Variants in CREB5 observed in about 807,000 individuals in gnomAD.
CREB5 encodes cyclic AMP-responsive element-binding protein 5.
CREB5 carries 19 observed loss-of-function variants against 57.1 expected under a neutral mutation model. That is an observed-to-expected ratio of 0.33 (90% CI 0.23 to 0.49). CREB5 has a LOEUF of 0.49. CREB5 is among the 20% of genes least tolerant of loss of function. The pLI is 0.99. For missense variants in CREB5, 579 were observed against 671.6 expected (o/e 0.86, Z 1.52); for synonymous variants, 238 against 238.3 (o/e 1.00, Z 0.01).
At chr7:28,723,137 T>A (rs1453276365) in intron 6 of CREB5, among the ~76,000 whole-genome samples, 1 of 152,210 alleles carries the variant, frequency 6.6e-6, no homozygotes. Context: ...CCAATCATTG[T>A]TTTCATTTCC....
chr7:28,401,565 T>C (rs188844425), intron 1 of CREB5, among the ~76,000 whole-genome samples: 20 of 152,236 alleles, frequency 1.3e-4, no homozygotes, highest in African/African-American at 4.8e-4. Context: ...CCTCTCCCCT[T>C]TCCCCAACCA....
At chr7:28,492,685 C>T (rs1433536701) in intron 2 of CREB5, among the ~76,000 whole-genome samples, 1 of 149,656 alleles carries the variant, frequency 6.7e-6, no homozygotes, top group East Asian at 1.9e-4. Context: ...GAAATGAAGG[C>T]TATTACCATG....
At chr7:28,384,087 A>G (rs1271117618) in intron 1 of CREB5, among the ~76,000 whole-genome samples, 1 of 152,184 alleles carries the variant, frequency 6.6e-6, no homozygotes, top group Admixed American at 6.5e-5. Context: ...ACAGACGGCC[A>G]TCTGAGCTGA....
chr7:28,430,416 T>A (rs143299247), intron 1 of CREB5, among the ~76,000 whole-genome samples: 132 of 152,334 alleles, frequency 8.7e-4, no homozygotes, highest in Non-Finnish European at 1.5e-3. Flanking sequence ...TCTCTTCTTC[T>A]GTAAGATGGG....
intron 6 of CREB5, among the ~76,000 whole-genome samples, chr7:28,721,057 C>T (rs924709476): frequency 2.6e-5 from 4 of 152,150 alleles, no homozygotes; most frequent in Non-Finnish European, 5.9e-5. Context: ...TCAAGAGCTC[C>T]CAAACCTGTG....
intron 1 of CREB5, among the ~76,000 whole-genome samples, chr7:28,385,320 A>G (rs1234633982): frequency 6.6e-6 from 1 of 152,202 alleles, no homozygotes; most frequent in Non-Finnish European, 1.5e-5. Context: ...CCAAGTATCT[A>G]CACATATGGG....
chr7:28,698,631 A>G (rs1467589594), intron 5 of CREB5, among the ~76,000 whole-genome samples: 13 of 152,240 alleles, frequency 8.5e-5, no homozygotes, highest in Non-Finnish European at 8.8e-5. Flanking sequence ...AAATAAGTTC[A>G]CTAAAAGCAA....
At chr7:28,645,839 G>C (rs1006408607) in intron 5 of CREB5, among the ~76,000 whole-genome samples, 4 of 152,172 alleles carry the variant, frequency 2.6e-5, no homozygotes, top group African/African-American at 9.7e-5. Flanking sequence ...TTAGCATTTG[G>C]ATCAGTAGAC....
chr7:28,639,110 C>A (rs1376636316), intron 5 of CREB5, among the ~76,000 whole-genome samples: 1 of 152,168 alleles, frequency 6.6e-6, no homozygotes, highest in Non-Finnish European at 1.5e-5. Flanking sequence ...GTATTAGTTC[C>A]TCTAGACTAT....
At chr7:28,673,319 T>C (rs1186697911) in intron 5 of CREB5, among the ~76,000 whole-genome samples, 1 of 152,148 alleles carries the variant, frequency 6.6e-6, no homozygotes, top group Non-Finnish European at 1.5e-5. Flanking sequence ...GGATACCTGT[T>C]TTCACAGATG....
At chr7:28,548,972 GAAAT>G in intron 4 of CREB5, among the ~76,000 whole-genome samples, 1 of 152,178 alleles carries the variant, frequency 6.6e-6, no homozygotes, top group Non-Finnish European at 1.5e-5. Flanking sequence ...GTAGATATTT[GAAAT>G]AAATAATACA....
chr7:28,538,305 C>T (rs1158582732), intron 4 of CREB5, among the ~76,000 whole-genome samples: 1 of 152,168 alleles, frequency 6.6e-6, no homozygotes, highest in African/African-American at 2.4e-5. Context: ...CTGCCCGCTT[C>T]GGCCTCCCAA....
At chr7:28,467,944 G>A (rs543147068) in intron 1 of CREB5, among the ~76,000 whole-genome samples, 1 of 152,328 alleles carries the variant, frequency 6.6e-6, no homozygotes, top group South Asian at 2.1e-4. Flanking sequence ...ATAGTCAAAT[G>A]GCCTTAGGAG....
chr7:28,696,805 TATACACATACGTATACGTATAC>T (rs1293933584), intron 5 of CREB5, among the ~76,000 whole-genome samples: 1 of 150,010 alleles, frequency 6.7e-6, no homozygotes, highest in Non-Finnish European at 1.5e-5. Context: ...TATACGTATA[TATACACATACGTATACGTATAC>T]ATACACATAC....
At chr7:28,718,239 C>T (rs1046497292) in intron 5 of CREB5, among the ~76,000 whole-genome samples, 5 of 152,334 alleles carry the variant, frequency 3.3e-5, no homozygotes, top group South Asian at 2.1e-4. Flanking sequence ...CAGTGGAGAA[C>T]GCTGAAAAAG....
chr7:28,371,091 G>T (rs1786696469), intron 1 of CREB5, among the ~76,000 whole-genome samples: 1 of 152,200 alleles, frequency 6.6e-6, no homozygotes, highest in Admixed American at 6.5e-5. Context: ...ATGAGCAAAG[G>T]AAAGCAGGAG....
At chr7:28,643,755 G>A (rs199540928) in intron 5 of CREB5, among the ~76,000 whole-genome samples, 2 of 104,594 alleles carry the variant, frequency 1.9e-5, no homozygotes, top group Admixed American at 2.0e-4. Flanking sequence ...GGGAGGTGGG[G>A]GGGGGCGGAA....
intron 5 of CREB5, among the ~76,000 whole-genome samples, chr7:28,674,418 A>C (rs1352236183): frequency 2.0e-5 from 3 of 152,130 alleles, no homozygotes; most frequent in Non-Finnish European, 2.9e-5. Flanking sequence ...TTTCCTGTCC[A>C]CTTCCTGGTT....
intron 5 of CREB5, among the ~76,000 whole-genome samples, chr7:28,637,198 A>G (rs1410426921): frequency 6.6e-6 from 1 of 152,082 alleles, no homozygotes; most frequent in African/African-American, 2.4e-5. Flanking sequence ...AAAAGAAAAG[A>G]AAATTTGACC....
Sources: gnomAD v4.1 joint callset for allele counts (sites outside exome capture counted in the v4.1 genomes callset) on GRCh38, gnomAD v4.1.1 for gene constraint, MANE v1.5 for transcripts, NCBI Gene and HGNC (gene_info 2026-07-23, HGNC 2026-07-21) for gene names.